The following BTRC variants were observed in gnomAD, a reference collection of about 807,000 sequenced individuals.
BTRC encodes F-box/WD repeat-containing protein 1A.
Under a neutral mutation model 85.5 loss-of-function variants are expected in BTRC, and 42 were observed. The ratio of observed to expected loss-of-function variants is 0.49; its 90% CI spans 0.38 to 0.64. The LOEUF is 0.64. Ranked by LOEUF, BTRC falls within the 30% of genes least tolerant of loss-of-function variation. BTRC has a pLI of 0.00. For missense variants in BTRC, 594 were observed against 743.5 expected (o/e 0.80, Z 2.34); for synonymous variants, 255 against 263.3 (o/e 0.97, Z 0.30).
intron 2 of BTRC, among the ~76,000 whole-genome samples, chr10:101,431,070 CTTTTTT>C (rs748703752): frequency 7.0e-5 from 5 of 71,292 alleles, no homozygotes; most frequent in South Asian, 6.2e-4. Context: ...CTCAGCCTTT[CTTTTTT>C]TTTTTTTTTT....
chr10:101,422,637 A>G (rs10160036), intron 1 of BTRC, among the ~76,000 whole-genome samples: 54,910 of 151,990 alleles, frequency 0.36, 11,010 homozygotes, highest in Middle Eastern at 0.48. Context: ...CCTTGAATTA[A>G]TTTTTGTGTA....
chr10:101,436,225 A>T (rs554762739), intron 2 of BTRC, among the ~76,000 whole-genome samples: 50 of 152,336 alleles, frequency 3.3e-4, no homozygotes, highest in Non-Finnish European at 4.7e-4. Context: ...TGGTGATCCT[A>T]TAATCTATAA....
At chr10:101,497,521 A>T (rs531339583) in intron 4 of BTRC, among the ~76,000 whole-genome samples, 1 of 152,062 alleles carries the variant, frequency 6.6e-6, no homozygotes, top group Non-Finnish European at 1.5e-5. Flanking sequence ...ACAAAGTGAG[A>T]CCCCTGTCTC....
intron 4 of BTRC, among the ~76,000 whole-genome samples, chr10:101,512,737 C>A (rs1340656020): frequency 6.6e-6 from 1 of 152,126 alleles, no homozygotes; most frequent in African/African-American, 2.4e-5. Context: ...GAAACTAGTC[C>A]CTAGCCTTTG....
At chr10:101,435,669 C>CT (rs896995772) in intron 2 of BTRC, among the ~76,000 whole-genome samples, 13 of 151,512 alleles carry the variant, frequency 8.6e-5, no homozygotes, top group East Asian at 3.9e-4. Context: ...TTGTATAAGT[C>CT]TTTTTTTTGG....
intron 4 of BTRC, among the ~76,000 whole-genome samples, chr10:101,487,185 T>C (rs574444041): frequency 6.6e-6 from 1 of 152,324 alleles, no homozygotes; most frequent in African/African-American, 2.4e-5. Context: ...TTTCTTGTTA[T>C]ATAAGGTATA....
chr10:101,546,547 C>T (rs2062561608), intron 13 of BTRC, among the ~76,000 whole-genome samples: 1 of 152,052 alleles, frequency 6.6e-6, no homozygotes, highest in African/African-American at 2.4e-5. Context: ...GCAGTGAAAG[C>T]AGTGCTTAGA....
At chr10:101,444,030 A>C (rs903118966) in intron 2 of BTRC, among the ~76,000 whole-genome samples, 1 of 152,198 alleles carries the variant, frequency 6.6e-6, no homozygotes, top group East Asian at 1.9e-4. Context: ...ACCATTAGTC[A>C]TATGTATTTT....
intron 1 of BTRC, among the ~76,000 whole-genome samples, chr10:101,430,101 G>C (rs1184145188): frequency 6.6e-6 from 1 of 152,122 alleles, no homozygotes; most frequent in African/African-American, 2.4e-5. Context: ...AAATGTTTTT[G>C]ACTAAATGTT....
rs571280443 is a variant in BTRC at position 101,362,203 on chromosome 10, C to T, written c.48+7975C>T. On this transcript the variant is annotated intron_variant, in intron 1 of 14. Coordinates refer to ENST00000370187, the MANE Select transcript of BTRC (RefSeq NM_033637.4). ...CTCGATCTCCTCCTTGTGATTCGCC[C>T]GCCTTGGCCTCCCAAAGTGCTGGGA... Among the ~76,000 whole-genome samples the T allele has an allele frequency of 1.5e-3, 227 of 152,096 alleles. 1 individual carries two copies. The highest frequency in any genetic ancestry group is 3.4e-3 in the Middle Eastern group (1 of 294).
Position 101,354,170 on chromosome 10 carries a change from C to T in BTRC, c.-11C>T. 6.5e-7 allele frequency: 1 copy of T among 1,548,838 alleles called. No individual in the cohort carries two copies. Among genetic ancestry groups the T allele is most frequent in the South Asian group, 1.2e-5 (1 of 83,960 alleles). ...CCCCGGCGGAGAGCGGACCCAGTGG[C>T]CTCGGCGATTATGGACCCGGCCGAG... On this transcript the variant is annotated 5_prime_UTR_variant, in exon 1 of 15. Transcript: ENST00000370187.
At chr10:101,535,026 C>A in intron 10 of BTRC, 116 bp downstream of exon 10, 1 of 1,206,022 alleles carries the variant, frequency 8.3e-7, no homozygotes, top group Non-Finnish European at 1.2e-6. Flanking sequence ...ATATTTAATT[C>A]AGAGACTAGT....
At chr10:101,507,114 T>C (rs1242257070) in intron 4 of BTRC, among the ~76,000 whole-genome samples, 1 of 152,250 alleles carries the variant, frequency 6.6e-6, no homozygotes, top group Admixed American at 6.5e-5. Context: ...CTCCCTGTTT[T>C]TTCTTCTCTT....
intron 4 of BTRC, among the ~76,000 whole-genome samples, chr10:101,498,194 C>T (rs1025783915): frequency 1.3e-5 from 2 of 152,054 alleles, no homozygotes; most frequent in Non-Finnish European, 2.9e-5. Flanking sequence ...CATCCTGTCG[C>T]CCAGGCTGGA....
chr10:101,389,825 A>G (rs925392472), intron 1 of BTRC, among the ~76,000 whole-genome samples: 2 of 151,712 alleles, frequency 1.3e-5, no homozygotes, highest in African/African-American at 2.4e-5. Flanking sequence ...GGGTCTCACT[A>G]TGTTGCCCAG....
At chr10:101,461,035 TGGGATTACA>T (rs1945211365) in intron 2 of BTRC, among the ~76,000 whole-genome samples, 1 of 152,016 alleles carries the variant, frequency 6.6e-6, no homozygotes, top group South Asian at 2.1e-4. Context: ...CTCGAGTAGC[TGGGATTACA>T]GGCACCCACC....
At chr10:101,405,313 G>C (rs1208528334) in intron 1 of BTRC, among the ~76,000 whole-genome samples, 6 of 152,046 alleles carry the variant, frequency 3.9e-5, no homozygotes, top group Non-Finnish European at 8.8e-5. Flanking sequence ...CCTCTGATCA[G>C]AGAGGAAGGT....
At chr10:101,380,303 T>C (rs1037800068) in intron 1 of BTRC, among the ~76,000 whole-genome samples, 3 of 152,134 alleles carry the variant, frequency 2.0e-5, no homozygotes, top group Non-Finnish European at 4.4e-5. Context: ...AGAGCAAATA[T>C]TTTGGAAATT....
chr10:101,385,366 CAAAAAAA>C (rs10718968), intron 1 of BTRC, among the ~76,000 whole-genome samples: 1 of 82,920 alleles, frequency 1.2e-5, no homozygotes, highest in African/African-American at 4.3e-5. Context: ...GACTCTGTCT[CAAAAAAA>C]AAAAAAAAAA....
Sources: gnomAD v4.1 joint callset for allele counts (sites outside exome capture counted in the v4.1 genomes callset) on GRCh38, gnomAD v4.1.1 for gene constraint, MANE v1.5 for transcripts, NCBI Gene and HGNC (gene_info 2026-07-23, HGNC 2026-07-21) for gene names.